Variants in CDH18 observed in about 807,000 individuals in gnomAD.
CDH18 encodes cadherin-18.
CDH18 carries 31 observed loss-of-function variants against 67.9 expected under a neutral mutation model. That is an observed-to-expected ratio of 0.46 (90% CI 0.34 to 0.62). The LOEUF (loss-of-function observed/expected upper bound fraction) is 0.62, where lower values mean the gene tolerates loss of function less well. Ranked by LOEUF, CDH18 falls within the 20% of genes least tolerant of loss-of-function variation. The probability of loss-of-function intolerance (pLI) is 0.01; values close to 1 mark genes in which losing one functional copy is unlikely to be tolerated. For synonymous variants in CDH18, 362 were observed against 347.2 expected, an observed-to-expected ratio of 1.04 and a Z score of -0.48; for missense variants, 890 against 975.5, an observed-to-expected ratio of 0.91 and a Z score of 1.17.
intron 1 of CDH18, among the ~76,000 whole-genome samples, chr5:20,501,549 TATATATAATATATATATATA>T (rs1426545616): frequency 4.7e-4 from 12 of 25,688 alleles, no homozygotes; most frequent in African/African-American, 1.2e-3. Flanking sequence ...ATACATATTA[TATATATAATATATATATATA>T]ATATATATAT....
At chr5:19,884,579 T>C (rs1158227092) in intron 2 of CDH18, among the ~76,000 whole-genome samples, 2 of 151,866 alleles carry the variant, frequency 1.3e-5, no homozygotes, top group Non-Finnish European at 2.9e-5. Context: ...TTATAAAAGA[T>C]ACATAGATTA....
intron 1 of CDH18, among the ~76,000 whole-genome samples, chr5:20,551,566 C>G (rs1757634046): frequency 8.2e-6 from 1 of 121,630 alleles, no homozygotes; most frequent in Non-Finnish European, 2.0e-5. Context: ...TACAGCTGAT[C>G]TCTGTTAATC....
intron 1 of CDH18, among the ~76,000 whole-genome samples, chr5:20,462,127 T>C (rs942451683): frequency 1.3e-5 from 2 of 152,150 alleles, no homozygotes; most frequent in African/African-American, 4.8e-5. Context: ...TAAGAATCTA[T>C]CATTGAATAA....
intron 5 of CDH18, among the ~76,000 whole-genome samples, chr5:19,712,729 T>C (rs1312000606): frequency 6.6e-6 from 1 of 150,770 alleles, no homozygotes; most frequent in Admixed American, 6.7e-5. Context: ...AAATTATATA[T>C]GTGTATTTTC....
chr5:20,355,536 C>G (rs1461841146), intron 1 of CDH18, among the ~76,000 whole-genome samples: 1 of 152,084 alleles, frequency 6.6e-6, no homozygotes, highest in African/African-American at 2.4e-5. Flanking sequence ...TTTGGAAGAC[C>G]TCTTAGAGTC....
intron 10 of CDH18, among the ~76,000 whole-genome samples, chr5:19,514,508 T>C (rs1395105153): frequency 6.6e-6 from 1 of 152,242 alleles, no homozygotes; most frequent in Non-Finnish European, 1.5e-5. Context: ...CCAGCACCTG[T>C]TGTTTCCTGA....
At chr5:19,654,462 T>C (rs955778125) in intron 5 of CDH18, among the ~76,000 whole-genome samples, 7 of 152,178 alleles carry the variant, frequency 4.6e-5, no homozygotes, top group Admixed American at 4.6e-4. Context: ...CACAGACGTG[T>C]GGCTCATCTG....
chr5:19,959,014 C>T (rs1796539580), intron 2 of CDH18, among the ~76,000 whole-genome samples: 1 of 151,998 alleles, frequency 6.6e-6, no homozygotes, highest in African/African-American at 2.4e-5. Context: ...CCTGGTCTTT[C>T]TGTTATTCTG....
At chr5:20,302,203 A>C (rs549369995) in intron 1 of CDH18, among the ~76,000 whole-genome samples, 4 of 152,262 alleles carry the variant, frequency 2.6e-5, no homozygotes, top group African/African-American at 9.6e-5. Flanking sequence ...TTAAAACATA[A>C]TTCCAGCTGG....
At chr5:20,372,074 T>G (rs1743049338) in intron 1 of CDH18, among the ~76,000 whole-genome samples, 1 of 152,222 alleles carries the variant, frequency 6.6e-6, no homozygotes, top group African/African-American at 2.4e-5. Flanking sequence ...AAGATACATT[T>G]TTTTTGTAAG....
intron 1 of CDH18, among the ~76,000 whole-genome samples, chr5:20,465,840 C>T (rs1751598052): frequency 6.6e-6 from 1 of 151,946 alleles, no homozygotes. Flanking sequence ...CATCGCAACG[C>T]TCTGTAAGAC....
chr5:20,358,062 C>A (rs1441489738), intron 1 of CDH18, among the ~76,000 whole-genome samples: 4 of 152,094 alleles, frequency 2.6e-5, no homozygotes, highest in African/African-American at 9.7e-5. Context: ...AACAAAACAC[C>A]ATATATTCTC....
chr5:20,321,762 A>T (rs1196752818), intron 1 of CDH18, among the ~76,000 whole-genome samples: 4 of 151,916 alleles, frequency 2.6e-5, no homozygotes, highest in Admixed American at 2.6e-4. Context: ...TCCCCTGTAC[A>T]TCCAAAGAAA....
At chr5:20,352,360 A>G (rs192333552) in intron 1 of CDH18, among the ~76,000 whole-genome samples, 1 of 152,168 alleles carries the variant, frequency 6.6e-6, no homozygotes, top group Admixed American at 6.5e-5. Flanking sequence ...GAATACAGTT[A>G]TTCTGGGGGG....
chr5:19,715,231 A>G (rs1055639524), intron 5 of CDH18, among the ~76,000 whole-genome samples: 2 of 152,332 alleles, frequency 1.3e-5, no homozygotes, highest in African/African-American at 4.8e-5. Flanking sequence ...GTAATAGAGA[A>G]CCAAAAAATG....
intron 3 of CDH18, among the ~76,000 whole-genome samples, chr5:19,750,544 C>G (rs1388444308): frequency 6.6e-6 from 1 of 151,814 alleles, no homozygotes; most frequent in Admixed American, 6.6e-5. Flanking sequence ...TGAGTGGGGT[C>G]ACCAGTGAGA....
At position 19,962,245 on chromosome 5, in the gene CDH18, A is replaced by T. The variant is rs574146555; in HGVS notation, c.-257+18815T>A. Among the ~76,000 whole-genome samples, 8 of 151,808 alleles carry T rather than the reference A, an allele frequency of 5.3e-5. No individual in the cohort carries two copies. In the East Asian group the frequency reaches 1.4e-3, roughly 26 times the overall value. On this transcript the variant is annotated intron_variant, in intron 2 of 12. Coordinates refer to ENST00000382275, the MANE Select transcript of CDH18 (RefSeq NM_004934.5). ...TTTCTCATATTTTACATGAGTATCA[A>T]ATTTTGGGTTTTAAAGATGGAAAAA...
chr5:19,798,910 T>C (rs1217840443), intron 3 of CDH18, among the ~76,000 whole-genome samples: 4 of 152,078 alleles, frequency 2.6e-5, no homozygotes, highest in African/African-American at 7.2e-5. Context: ...TATACTGATA[T>C]TAACATAAAT....
intron 2 of CDH18, among the ~76,000 whole-genome samples, chr5:20,092,361 G>C (rs1032101405): frequency 3.3e-5 from 5 of 152,054 alleles, no homozygotes; most frequent in African/African-American, 1.2e-4. Flanking sequence ...TAGAAAAATA[G>C]ACTAAATGGC....
Sources: allele counts gnomAD v4.1 joint callset (sites outside exome capture counted in the v4.1 genomes callset), GRCh38; gene constraint gnomAD v4.1.1; transcripts MANE v1.5; gene names NCBI Gene and HGNC (gene_info 2026-07-23, HGNC 2026-07-21).